Variants in TLN2 observed in about 807,000 individuals in gnomAD.
TLN2 encodes talin-2.
TLN2 carries 118 observed loss-of-function variants against 294.7 expected under a neutral mutation model. The observed-to-expected ratio is 0.40, with a 90% CI of 0.34 to 0.47. The LOEUF is 0.47. Among genes scored for constraint, TLN2 ranks in the 20% least tolerant of loss-of-function variants. TLN2 has a pLI of 0.84. For synonymous variants in TLN2, 1,431 were observed against 1,304.5 expected (o/e 1.10, Z -2.09); for missense variants, 3,083 against 3,282.2 (o/e 0.94, Z 1.48).
intron 2 of TLN2, among the ~76,000 whole-genome samples, chr15:62,612,696 G>C (rs2048010881): frequency 6.6e-6 from 1 of 152,096 alleles, no homozygotes. Flanking sequence ...CATGTTCTTT[G>C]AAATAATGTC....
chr15:62,660,072 T>C (rs1053960937), intron 9 of TLN2, among the ~76,000 whole-genome samples: 9 of 152,152 alleles, frequency 5.9e-5, no homozygotes, highest in Admixed American at 2.0e-4. Flanking sequence ...AAAATAATAA[T>C]GAGAAGGTTG....
chr15:62,779,520 C>T (rs1362197462), intron 43 of TLN2, among the ~76,000 whole-genome samples: 1 of 152,224 alleles, frequency 6.6e-6, no homozygotes, highest in African/African-American at 2.4e-5. Flanking sequence ...ATCCTAGTCA[C>T]TACTTTGTTC....
intron 3 of TLN2, among the ~76,000 whole-genome samples, chr15:62,620,879 C>T (rs2048757840): frequency 6.8e-6 from 1 of 147,002 alleles, no homozygotes; most frequent in South Asian, 2.2e-4. Context: ...GTCTCTGTCG[C>T]CCAGGCTGGA....
At chr15:62,395,400 T>C (rs555994218) in intron 1 of TLN2, among the ~76,000 whole-genome samples, 3 of 152,256 alleles carry the variant, frequency 2.0e-5, no homozygotes, top group Admixed American at 1.3e-4. Flanking sequence ...AAAACAGATA[T>C]TATTTCCTGT....
At chr15:62,710,859 G>A (rs1201586795) in intron 21 of TLN2, among the ~76,000 whole-genome samples, 1 of 150,314 alleles carries the variant, frequency 6.7e-6, no homozygotes, top group Non-Finnish European at 1.5e-5. Context: ...CTGAGTAGCT[G>A]GCACTACAGG....
intron 1 of TLN2, among the ~76,000 whole-genome samples, chr15:62,571,249 A>G (rs192280270): frequency 6.6e-6 from 1 of 152,174 alleles, no homozygotes. Context: ...GCAAAGCATG[A>G]CAGGAGTCTA....
intron 52 of TLN2, among the ~76,000 whole-genome samples, chr15:62,815,168 TTCTG>T (rs199779063): frequency 5.7e-5 from 8 of 141,226 alleles, no homozygotes; most frequent in African/African-American, 1.9e-4. Context: ...GAGATTTTTA[TTCTG>T]TCTGTCACAC....
At chr15:62,755,400 C>G in intron 36 of TLN2, 132 bp from the exon 37 acceptor site, 4 of 1,138,100 alleles carry the variant, frequency 3.5e-6, no homozygotes, top group Non-Finnish European at 4.8e-6. Flanking sequence ...TTGAGGGTCG[C>G]AGAACTAGAC....
Position 62,825,846 on chromosome 15 carries a change from A to T in TLN2, c.7002+5236A>T, listed in dbSNP as rs12594732. On this transcript the variant is annotated intron_variant, in intron 54 of 58. Transcript: ENST00000636159. ...TATATTATAATATATAATATATATA[A>T]ATATATTATATATATATATATTTAT... Among the ~76,000 whole-genome samples the T allele has an allele frequency of 8.9e-3, 713 of 80,318 alleles. 13 individuals are homozygous for T. Among genetic ancestry groups the T allele is most frequent in the South Asian group, 0.026 (78 of 2,960 alleles). 52.7% of individuals were successfully genotyped at this position (80,318 alleles called of 152,430 possible). A position where few individuals can be genotyped will look rare whatever the true frequency, so the allele number is the denominator to read the frequency against.
rs938672337 is a variant in TLN2 at position 62,467,587 on chromosome 15, G to T, written c.-238+76902G>T. ...CACGCCTGTAATCCCAGCTACTCGA[G>T]AGACTGAGGCAGGAGAATCGCCAAG... On this transcript the variant is annotated intron_variant, in intron 1 of 58. Transcript: ENST00000636159. 2.0e-5 allele frequency among the ~76,000 whole-genome samples: 3 copies of T among 152,264 alleles called. No individual in the cohort carries two copies. In the South Asian group the frequency reaches 6.2e-4, roughly 32 times the overall value.
chr15:62,620,450 T>C (rs2048697706), intron 3 of TLN2, among the ~76,000 whole-genome samples: 1 of 151,930 alleles, frequency 6.6e-6, no homozygotes, highest in Non-Finnish European at 1.5e-5. Context: ...TCATTCATAC[T>C]CTCTTTCTCT....
chr15:62,399,818 G>A (rs1286695006), intron 1 of TLN2, among the ~76,000 whole-genome samples: 1 of 152,194 alleles, frequency 6.6e-6, no homozygotes, highest in Non-Finnish European at 1.5e-5. Context: ...TGATTTTACA[G>A]GCTTATAGGT....
At chr15:62,786,894 A>G (rs1459886119) in intron 45 of TLN2, among the ~76,000 whole-genome samples, 1 of 152,148 alleles carries the variant, frequency 6.6e-6, no homozygotes, top group Admixed American at 6.5e-5. Flanking sequence ...CCTAATAATA[A>G]TTCTATTACC....
chr15:62,449,931 C>T (rs1270748718), intron 1 of TLN2, among the ~76,000 whole-genome samples: 1 of 152,112 alleles, frequency 6.6e-6, no homozygotes, highest in Non-Finnish European at 1.5e-5. Context: ...TACTCCCTTG[C>T]TTCCTTCTTG....
rs1278926560 is a variant in TLN2, at chr15:62,431,214, G to A, written c.-238+40529G>A. ...AGTCCTTGGTCACAAGCCTGCTGGA[G>A]CATGTGAAACTGTGTAGAGCTTTTC... On this transcript the variant is annotated intron_variant, in intron 1 of 58. Transcript: ENST00000636159. 5.9e-5 allele frequency among the ~76,000 whole-genome samples: 9 copies of A among 152,248 alleles called. No individual in the cohort carries two copies. The East Asian group carries it at 1.7e-3, about 29-fold the overall frequency.
At chr15:62,466,768 G>C (rs2140353103) in intron 1 of TLN2, among the ~76,000 whole-genome samples, 1 of 152,326 alleles carries the variant, frequency 6.6e-6, no homozygotes, top group African/African-American at 2.4e-5. Context: ...CCTTGTGTTT[G>C]GGTTGACAGT....
chr15:62,777,194 A>G (rs548718099), intron 43 of TLN2, among the ~76,000 whole-genome samples: 1 of 151,626 alleles, frequency 6.6e-6, no homozygotes, highest in African/African-American at 2.4e-5. Flanking sequence ...TTGATTATCT[A>G]CTTCATAGGG....
At chr15:62,694,164 A>G in intron 13 of TLN2, 152 bp from the exon 14 acceptor site, 1 of 556,112 alleles carries the variant, frequency 1.8e-6, no homozygotes, top group Non-Finnish European at 3.2e-6. Flanking sequence ...TTTATTAGAG[A>G]CGGGGTCTCA....
intron 1 of TLN2, among the ~76,000 whole-genome samples, chr15:62,534,006 C>T (rs2041194698): frequency 6.6e-6 from 1 of 152,106 alleles, no homozygotes; most frequent in Non-Finnish European, 1.5e-5. Context: ...CCGGTGCTTC[C>T]AAATGTTAGT....
Sources: allele counts gnomAD v4.1 joint callset (sites outside exome capture counted in the v4.1 genomes callset), GRCh38; gene constraint gnomAD v4.1.1; transcripts MANE v1.5; gene names NCBI Gene and HGNC (gene_info 2026-07-23, HGNC 2026-07-21).